CNTN5: variants seen among roughly 807,000 people sequenced by gnomAD.
The protein encoded by CNTN5 is contactin 5.
A neutral mutation model predicts 129.1 loss-of-function variants in CNTN5; 77 were observed. The ratio of observed to expected loss-of-function variants is 0.60; its 90% CI spans 0.50 to 0.72. The LOEUF (loss-of-function observed/expected upper bound fraction) is 0.72, where lower values mean the gene tolerates loss of function less well. CNTN5 is among the 30% of genes least tolerant of loss of function. CNTN5 has a pLI of 0.00. For synonymous variants in CNTN5, 509 were observed against 465.6 expected, an observed-to-expected ratio of 1.09 and a Z score of -1.20; for missense variants, 1,478 against 1,328.8, an observed-to-expected ratio of 1.11 and a Z score of -1.75.
intron 6 of CNTN5, among the ~76,000 whole-genome samples, chr11:99,890,900 C>T (rs2135905925): frequency 6.6e-6 from 1 of 152,236 alleles, no homozygotes; most frequent in Admixed American, 6.5e-5. Flanking sequence ...TGATCTTTCT[C>T]TCTCAAACCA....
At chr11:99,079,549 T>C (rs370209786) in intron 1 of CNTN5, among the ~76,000 whole-genome samples, 1 of 152,168 alleles carries the variant, frequency 6.6e-6, no homozygotes, top group Non-Finnish European at 1.5e-5. Context: ...TTCTAGAATA[T>C]GTTCACTGGA....
chr11:99,351,074 G>A (rs760594005), intron 2 of CNTN5, among the ~76,000 whole-genome samples: 2 of 152,002 alleles, frequency 1.3e-5, no homozygotes, highest in Non-Finnish European at 2.9e-5. Context: ...TGTAGGTGAC[G>A]GGTTGATGGG....
At chr11:99,106,514 TAA>T (rs1867004460) in intron 1 of CNTN5, among the ~76,000 whole-genome samples, 1 of 152,000 alleles carries the variant, frequency 6.6e-6, no homozygotes, top group Admixed American at 6.6e-5. Context: ...ATTATTTTCT[TAA>T]GAGTGATATT....
intron 1 of CNTN5, among the ~76,000 whole-genome samples, chr11:99,180,006 G>A (rs1857971056): frequency 1.3e-5 from 2 of 152,016 alleles, no homozygotes; most frequent in African/African-American, 4.8e-5. Context: ...TTTATTATAG[G>A]TATCCTTACC....
intron 3 of CNTN5, among the ~76,000 whole-genome samples, chr11:99,582,704 G>A (rs1192850633): frequency 1.4e-5 from 2 of 147,068 alleles, no homozygotes; most frequent in Non-Finnish European, 3.0e-5. Flanking sequence ...CTCTGCATTG[G>A]TTATTCTAGT....
chr11:100,303,088 G>C (rs1951265615), intron 20 of CNTN5, among the ~76,000 whole-genome samples: 1 of 151,456 alleles, frequency 6.6e-6, no homozygotes, highest in African/African-American at 2.4e-5. Flanking sequence ...TAATGACTCT[G>C]TCAGTGCCAA....
intron 6 of CNTN5, among the ~76,000 whole-genome samples, chr11:99,885,788 G>A (rs1379908570): frequency 6.6e-6 from 1 of 152,108 alleles, no homozygotes; most frequent in East Asian, 1.9e-4. Flanking sequence ...ACAACTCCAA[G>A]TGTAATAGAG....
intron 15 of CNTN5, among the ~76,000 whole-genome samples, chr11:100,204,915 T>C (rs1948882304): frequency 1.3e-5 from 2 of 151,990 alleles, no homozygotes; most frequent in Non-Finnish European, 2.9e-5. Flanking sequence ...AATGATGAAA[T>C]GCGTAATATA....
intron 2 of CNTN5, among the ~76,000 whole-genome samples, chr11:99,406,266 A>G (rs1942060056): frequency 6.6e-6 from 1 of 152,132 alleles, no homozygotes; most frequent in Admixed American, 6.5e-5. Context: ...GGGGCACCCC[A>G]AGCCCAATAA....
chr11:99,036,096 G>A (rs991219700), intron 1 of CNTN5, among the ~76,000 whole-genome samples: 1 of 151,910 alleles, frequency 6.6e-6, no homozygotes, highest in Admixed American at 6.6e-5. Context: ...TTGAATATTG[G>A]CCCCCACTCT....
intron 23 of CNTN5, among the ~76,000 whole-genome samples, chr11:100,342,392 T>C (rs1023181406): frequency 6.6e-6 from 1 of 152,100 alleles, no homozygotes; most frequent in Non-Finnish European, 1.5e-5. Context: ...ACCAATCTAA[T>C]ATCATTAGAA....
chr11:100,223,126 C>T (rs1234809797), intron 15 of CNTN5, among the ~76,000 whole-genome samples: 2 of 152,126 alleles, frequency 1.3e-5, no homozygotes, highest in Admixed American at 1.3e-4. Context: ...AAGAAATTAG[C>T]AGTGTAGGAC....
intron 13 of CNTN5, among the ~76,000 whole-genome samples, chr11:100,144,525 A>T (rs920468594): frequency 6.6e-6 from 1 of 152,146 alleles, no homozygotes; most frequent in Admixed American, 6.6e-5. Context: ...AGTTAAACAG[A>T]CTTAGACCTT....
intron 3 of CNTN5, among the ~76,000 whole-genome samples, chr11:99,768,539 TTC>T (rs1222525361): frequency 1.3e-5 from 2 of 152,144 alleles, no homozygotes; most frequent in African/African-American, 4.8e-5. Context: ...TAGTCTATAA[TTC>T]TCCTTTGATT....
chr11:99,205,638 A>G (rs1171267755), intron 1 of CNTN5, among the ~76,000 whole-genome samples: 1 of 152,182 alleles, frequency 6.6e-6, no homozygotes, highest in Non-Finnish European at 1.5e-5. Context: ...TGAAATTTGC[A>G]AAGAAATTAT....
At chr11:99,839,435 C>T (rs1947408917) in intron 4 of CNTN5, among the ~76,000 whole-genome samples, 1 of 151,754 alleles carries the variant, frequency 6.6e-6, no homozygotes, top group African/African-American at 2.4e-5. Flanking sequence ...TTTTTTCAAT[C>T]TAAGTTTTTG....
chr11:99,124,638 G>A (rs1026625472), intron 1 of CNTN5, among the ~76,000 whole-genome samples: 2 of 151,892 alleles, frequency 1.3e-5, no homozygotes, highest in Admixed American at 1.3e-4. Context: ...GAAGGAAATT[G>A]AGATGAGAAG....
intron 21 of CNTN5, among the ~76,000 whole-genome samples, chr11:100,311,348 G>C (rs925319257): frequency 5.9e-5 from 9 of 151,778 alleles, no homozygotes; most frequent in African/African-American, 2.2e-4. Flanking sequence ...AACTCACAAA[G>C]AAGAGTGGGT....
intron 9 of CNTN5, among the ~76,000 whole-genome samples, chr11:100,007,153 A>T (rs1940246716): frequency 6.6e-6 from 1 of 152,076 alleles, no homozygotes; most frequent in Admixed American, 6.6e-5. Flanking sequence ...CATGCTGTAA[A>T]CATGCAGTGT....
Sources: allele counts gnomAD v4.1 joint callset (sites outside exome capture counted in the v4.1 genomes callset), GRCh38; gene constraint gnomAD v4.1.1; transcripts MANE v1.5; gene names NCBI Gene and HGNC (gene_info 2026-07-23, HGNC 2026-07-21).